The following GPHN variants were observed in gnomAD, a reference collection of about 807,000 sequenced individuals.
GPHN encodes gephyrin.
A neutral mutation model predicts 95.5 loss-of-function variants in GPHN; 17 were observed. The ratio of observed to expected loss-of-function variants is 0.18; its 90% CI spans 0.12 to 0.27. GPHN has a LOEUF of 0.27. Among genes scored for constraint, GPHN ranks in the 10% least tolerant of loss-of-function variants. The pLI, the probability that GPHN is intolerant of heterozygous loss-of-function variation, is 1.00. For missense variants in GPHN, 660 were observed against 978.1 expected (o/e 0.67, Z 4.34); for synonymous variants, 320 against 322.5 (o/e 0.99, Z 0.08).
intron 1 of GPHN, among the ~76,000 whole-genome samples, chr14:66,561,368 C>G (rs910016792): frequency 4.6e-5 from 7 of 152,092 alleles, no homozygotes; most frequent in African/African-American, 1.7e-4. Flanking sequence ...CCATCTGGTC[C>G]TGGACTCTTT....
chr14:66,634,582 C>A (rs2063999288), intron 1 of GPHN, among the ~76,000 whole-genome samples: 1 of 151,938 alleles, frequency 6.6e-6, no homozygotes. Context: ...CAGTGTCAGG[C>A]CCTTCCTGAT....
chr14:67,721,568 G>A, the GPHN span, among the ~76,000 whole-genome samples: 7 of 151,986 alleles, frequency 4.6e-5, no homozygotes, highest in East Asian at 1.9e-4. Context: ...CATCACCCAC[G>A]TTCATCATCT....
chr14:67,175,438 T>A lies in GPHN; in HGVS notation c.2080-4140T>A, dbSNP rs567640419. On this transcript the variant is annotated intron_variant, in intron 21 of 22. Coordinates refer to ENST00000478722, the MANE Select transcript of GPHN (RefSeq NM_020806.5). ...CTCTGTTTTGTTCCATTGGTCTATA[T>A]ATCTGTTTTGGTACCAGTATCATGC... Among the ~76,000 whole-genome samples the A allele has an allele frequency of 5.5e-4, 84 of 152,314 alleles. No homozygotes were observed. The South Asian group carries it at 0.011, about 21-fold the overall frequency.
At chr14:67,431,165 C>T in the GPHN span, among the ~76,000 whole-genome samples, 3 of 151,862 alleles carry the variant, frequency 2.0e-5, no homozygotes, top group Non-Finnish European at 4.4e-5. Context: ...GAGGCCGAGG[C>T]GGGTGGATCA....
the GPHN span, among the ~76,000 whole-genome samples, chr14:67,654,038 A>T: frequency 6.6e-6 from 1 of 152,226 alleles, no homozygotes; most frequent in Non-Finnish European, 1.5e-5. Flanking sequence ...TTTCACCTCC[A>T]GCAGATGGCT....
intron 11 of GPHN, among the ~76,000 whole-genome samples, chr14:67,087,037 CAA>C (rs60067524): frequency 1.4e-4 from 11 of 77,226 alleles, no homozygotes; most frequent in Non-Finnish European, 1.9e-4. Flanking sequence ...GACTCTGTCT[CAA>C]AAAAAAAAAA....
the GPHN span, among the ~76,000 whole-genome samples, chr14:67,290,784 T>C: frequency 6.6e-6 from 1 of 151,988 alleles, no homozygotes; most frequent in Admixed American, 6.6e-5. Context: ...GTCCACCTGC[T>C]TCAGTTTCCC....
At chr14:67,496,779 C>T in the GPHN span, among the ~76,000 whole-genome samples, 4 of 91,960 alleles carry the variant, frequency 4.3e-5, no homozygotes, top group Admixed American at 1.4e-4. Context: ...TCCTCCCTCC[C>T]TCATTTCTGT....
chr14:67,461,531 C>T, the GPHN span, among the ~76,000 whole-genome samples: 2,277 of 152,276 alleles, frequency 0.015, 32 homozygotes, highest in Non-Finnish European at 0.021. Flanking sequence ...TTTCCCTTCC[C>T]TCCCCAGCCC....
At chr14:67,315,497 T>C in the GPHN span, among the ~76,000 whole-genome samples, 4 of 152,090 alleles carry the variant, frequency 2.6e-5, no homozygotes, top group Non-Finnish European at 4.4e-5. Context: ...AGGATGGTCT[T>C]GATCTCCTGA....
At chr14:67,003,319 T>C (rs893755279) in intron 9 of GPHN, among the ~76,000 whole-genome samples, 1 of 151,754 alleles carries the variant, frequency 6.6e-6, no homozygotes, top group East Asian at 1.9e-4. Context: ...TAGACTAGTG[T>C]TCATATAACT....
intron 9 of GPHN, among the ~76,000 whole-genome samples, chr14:66,976,927 G>GGGGGGA (rs1285407778): frequency 4.4e-5 from 5 of 113,686 alleles, no homozygotes; most frequent in African/African-American, 1.8e-4. Context: ...GGGGGGGGGG[G>GGGGGGA]AGTACACTCT....
At chr14:66,840,381 C>G (rs1324381401) in intron 4 of GPHN, among the ~76,000 whole-genome samples, 1 of 152,104 alleles carries the variant, frequency 6.6e-6, no homozygotes, top group Non-Finnish European at 1.5e-5. Context: ...GCAATATTAA[C>G]AGTAAATTCT....
At chr14:66,847,470 G>A (rs983353398) in intron 4 of GPHN, among the ~76,000 whole-genome samples, 1 of 151,814 alleles carries the variant, frequency 6.6e-6, no homozygotes, top group Non-Finnish European at 1.5e-5. Context: ...TTTTGAGGAA[G>A]CTGAATTTAA....
chr14:66,755,594 T>C (rs1427149269), intron 2 of GPHN, among the ~76,000 whole-genome samples: 1 of 152,136 alleles, frequency 6.6e-6, no homozygotes, highest in East Asian at 1.9e-4. Flanking sequence ...TTATGATTTA[T>C]GGTTCTGTAA....
At chr14:66,854,332 T>C (rs894016330) in intron 4 of GPHN, among the ~76,000 whole-genome samples, 8 of 152,180 alleles carry the variant, frequency 5.3e-5, no homozygotes, top group African/African-American at 1.9e-4. Flanking sequence ...ATGGGAAGAA[T>C]AGTACCCTTT....
At chr14:67,543,606 G>A in the GPHN span, among the ~76,000 whole-genome samples, 31 of 152,174 alleles carry the variant, frequency 2.0e-4, 1 homozygote, top group East Asian at 1.7e-3. Flanking sequence ...TTTAACAAGC[G>A]TCCAGAAAAT....
intron 1 of GPHN, among the ~76,000 whole-genome samples, chr14:66,547,454 A>G (rs751070504): frequency 2.0e-5 from 3 of 152,252 alleles, no homozygotes; most frequent in Non-Finnish European, 4.4e-5. Context: ...GTATTGTCAT[A>G]TGACGCATGG....
chr14:67,168,446 G>GT (rs909817558), intron 20 of GPHN, among the ~76,000 whole-genome samples: 22 of 150,676 alleles, frequency 1.5e-4, no homozygotes, highest in African/African-American at 2.7e-4. Context: ...ATCATTTGGT[G>GT]TTTTTTTTTA....
Sources: allele counts gnomAD v4.1 joint callset (sites outside exome capture counted in the v4.1 genomes callset), GRCh38; gene constraint gnomAD v4.1.1; transcripts MANE v1.5; gene names NCBI Gene and HGNC (gene_info 2026-07-23, HGNC 2026-07-21).